Variants in EPB41L4A observed in about 807,000 individuals in gnomAD.
The protein encoded by EPB41L4A is band 4.1-like protein 4A.
Under a neutral mutation model 108.6 loss-of-function variants are expected in EPB41L4A, and 100 were observed. The ratio of observed to expected loss-of-function variants is 0.92; its 90% CI spans 0.78 to 1.09. The LOEUF (loss-of-function observed/expected upper bound fraction) is 1.09. Ranked by LOEUF, EPB41L4A falls within the 50% of genes least tolerant of loss-of-function variation. The pLI, the probability that EPB41L4A is intolerant of heterozygous loss-of-function variation, is 0.00. For missense variants in EPB41L4A, 1,030 were observed against 842.7 expected, an observed-to-expected ratio of 1.22 and a Z score of -2.75; for synonymous variants, 319 against 289.0, an observed-to-expected ratio of 1.10 and a Z score of -1.05.
intron 9 of EPB41L4A, among the ~76,000 whole-genome samples, chr5:112,251,005 C>G (rs1750625386): frequency 6.6e-6 from 1 of 152,104 alleles, no homozygotes; most frequent in Non-Finnish European, 1.5e-5. Context: ...GAGCAAGAGA[C>G]CTGGACTTAA....
chr5:112,174,489 C>A (rs1196039853), intron 18 of EPB41L4A, among the ~76,000 whole-genome samples: 30 of 152,160 alleles, frequency 2.0e-4, no homozygotes, highest in South Asian at 6.2e-4. Context: ...TTTTCAAAAG[C>A]ATCCCTCCTC....
intron 1 of EPB41L4A, among the ~76,000 whole-genome samples, chr5:112,386,255 C>T (rs902021329): frequency 6.6e-6 from 1 of 152,164 alleles, no homozygotes; most frequent in Non-Finnish European, 1.5e-5. Flanking sequence ...ACCTTGTAAA[C>T]CCAGCCTACA....
intron 1 of EPB41L4A, among the ~76,000 whole-genome samples, chr5:112,382,470 G>C (rs1050788033): frequency 6.6e-6 from 1 of 152,206 alleles, no homozygotes; most frequent in Admixed American, 6.5e-5. Flanking sequence ...GGTAAATCCT[G>C]CATGTGTGAG....
chr5:112,216,591 C>T (rs1364470819), intron 12 of EPB41L4A, among the ~76,000 whole-genome samples: 1 of 152,156 alleles, frequency 6.6e-6, no homozygotes, highest in African/African-American at 2.4e-5. Context: ...TTAACAATCA[C>T]ATTTTCTTCC....
intron 2 of EPB41L4A, among the ~76,000 whole-genome samples, chr5:112,306,637 T>A (rs1321098823): frequency 1.3e-5 from 2 of 152,178 alleles, no homozygotes; most frequent in African/African-American, 2.4e-5. Flanking sequence ...AGGGTATTTC[T>A]GAGATAAGCA....
chr5:112,153,396 G>T (rs1453544898), intron 12 of EPB41L4A, among the ~76,000 whole-genome samples: 2 of 151,340 alleles, frequency 1.3e-5, no homozygotes, highest in East Asian at 1.9e-4. Flanking sequence ...TGGCATGGTG[G>T]CATGCGCCTA....
intron 13 of EPB41L4A, among the ~76,000 whole-genome samples, chr5:112,144,795 T>C (rs1459600061): frequency 6.6e-6 from 1 of 152,076 alleles, no homozygotes; most frequent in African/African-American, 2.4e-5. Flanking sequence ...GCTGTTATAG[T>C]TGAATGTGTG....
chr5:112,204,485 T>C lies in EPB41L4A; in HGVS notation c.1266A>G (p.Gly422=). The change falls in exon 15 of 23, where the codon GGA becomes GGG. Residue 422 remains glycine, a synonymous_variant. Coordinates refer to ENST00000261486, the MANE Select transcript of EPB41L4A (RefSeq NM_022140.5). ...APWEENGPQS[G]LYNSPSDRTK... ...TGCGATCACTGGGAGAATTGTAGAG[T>C]CCACTGGAGAGAAAGAAAAATGGTC... 1 of 1,607,426 alleles carries C rather than the reference T, an allele frequency of 6.2e-7. No individual in the cohort carries two copies. The highest frequency in any genetic ancestry group is 8.5e-7 in the Non-Finnish European group (1 of 1,174,482).
intron 1 of EPB41L4A, among the ~76,000 whole-genome samples, chr5:112,309,490 A>G (rs1197532524): frequency 6.6e-6 from 1 of 152,158 alleles, no homozygotes; most frequent in Non-Finnish European, 1.5e-5. Context: ...GATATTTACA[A>G]AGTGAAACCT....
intron 1 of EPB41L4A, among the ~76,000 whole-genome samples, chr5:112,410,081 A>T (rs1223825418): frequency 3.3e-5 from 5 of 152,160 alleles, no homozygotes; most frequent in Non-Finnish European, 5.9e-5. Flanking sequence ...AAAAAAGTGA[A>T]ACCTAGGCAG....
intron 1 of EPB41L4A, among the ~76,000 whole-genome samples, chr5:112,383,121 C>G (rs918871661): frequency 2.6e-5 from 4 of 152,292 alleles, no homozygotes; most frequent in Non-Finnish European, 4.4e-5. Context: ...TCCAGTCATA[C>G]AGGACGTGTA....
At chr5:112,359,787 G>A (rs190354482) in intron 1 of EPB41L4A, among the ~76,000 whole-genome samples, 5 of 152,174 alleles carry the variant, frequency 3.3e-5, no homozygotes, top group East Asian at 3.9e-4. Flanking sequence ...TGATCCACCC[G>A]CCTTGGCCTC....
At chr5:112,401,961 T>G (rs912062181) in intron 1 of EPB41L4A, among the ~76,000 whole-genome samples, 2 of 152,190 alleles carry the variant, frequency 1.3e-5, no homozygotes, top group African/African-American at 4.8e-5. Context: ...TTGTTGTCAC[T>G]CTGTAACCCC....
At chr5:112,358,991 T>C (rs972007693) in intron 1 of EPB41L4A, among the ~76,000 whole-genome samples, 6 of 152,196 alleles carry the variant, frequency 3.9e-5, no homozygotes, top group African/African-American at 1.4e-4. Context: ...TAGGCAAAAT[T>C]AGCCTAAAGG....
chr5:112,314,678 C>T lies in EPB41L4A; in HGVS notation c.100-7188G>A, dbSNP rs544253249. 1.6e-3 allele frequency among the ~76,000 whole-genome samples: 236 copies of T among 151,948 alleles called. 1 individual carries two copies. The highest frequency in any genetic ancestry group is 5.5e-3 in the African/African-American group (228 of 41,460). ...AAAAACTTAGCTGGGCATAGTGGCA[C>T]GCGCCTGGGGAGGCTGAGACAGGAA... On this transcript the variant is annotated intron_variant, in intron 1 of 22. Transcript: ENST00000261486.
At chr5:112,198,055 C>CG (rs1213208693) in intron 15 of EPB41L4A, among the ~76,000 whole-genome samples, 1 of 151,194 alleles carries the variant, frequency 6.6e-6, no homozygotes, top group Non-Finnish European at 1.5e-5. Flanking sequence ...TTTTTTGAGA[C>CG]GGAGTTTCAC....
chr5:112,380,552 G>T (rs1760104821), intron 1 of EPB41L4A, among the ~76,000 whole-genome samples: 1 of 151,926 alleles, frequency 6.6e-6, no homozygotes, highest in Admixed American at 6.6e-5. Flanking sequence ...AAATTTGTGG[G>T]AAAATACTTG....
At chr5:112,175,410 C>T (rs371461743) in intron 18 of EPB41L4A, 8 of 152,198 alleles carry the variant, frequency 5.3e-5, no homozygotes, top group African/African-American at 1.2e-4. Flanking sequence ...TTCAGCTTAA[C>T]GCTTTTTAGT....
intron 1 of EPB41L4A, among the ~76,000 whole-genome samples, chr5:112,402,852 C>T (rs1459007089): frequency 1.3e-5 from 2 of 152,128 alleles, no homozygotes; most frequent in Admixed American, 1.3e-4. Context: ...TGTTTCAATA[C>T]ATAAATATTG....
Sources: gnomAD v4.1 joint callset for allele counts (sites outside exome capture counted in the v4.1 genomes callset) on GRCh38, gnomAD v4.1.1 for gene constraint, MANE v1.5 for transcripts, NCBI Gene and HGNC (gene_info 2026-07-23, HGNC 2026-07-21) for gene names.